VPS13C: variants seen among roughly 807,000 people sequenced by gnomAD.
The protein encoded by VPS13C is vacuolar protein sorting 13 homolog C.
Under a neutral mutation model 456.8 loss-of-function variants are expected in VPS13C, and 358 were observed. The observed-to-expected ratio is 0.78, with a 90% CI of 0.72 to 0.86. VPS13C has a LOEUF of 0.86. Among genes scored for constraint, VPS13C ranks in the 40% least tolerant of loss-of-function variants. The probability of loss-of-function intolerance (pLI) is 0.00; values close to 1 mark genes in which losing one functional copy is unlikely to be tolerated. For synonymous variants in VPS13C, 1,578 were observed against 1,486.7 expected (o/e 1.06, Z -1.41); for missense variants, 4,818 against 4,385.4 (o/e 1.10, Z -2.79).
chr15:61,996,590 T>C (rs538955190), intron 16 of VPS13C, among the ~76,000 whole-genome samples: 21 of 152,076 alleles, frequency 1.4e-4, no homozygotes, highest in South Asian at 2.1e-4. Context: ...ACTGAAACTA[T>C]AGTACATGAC....
rs66786972 is a variant in VPS13C at position 61,961,394 on chromosome 15, AACACACACAC to A, written c.3908+185_3908+194del. Among the ~76,000 whole-genome samples the A allele has an allele frequency of 0.28, 37,632 of 132,544 alleles. 5,996 individuals carry two copies. The highest frequency in any genetic ancestry group is 0.37 in the Non-Finnish European group (23,431 of 63,124). The allele number at this position is 132,544 out of a possible 152,430, so 87.0% of individuals were successfully genotyped here. On this transcript the variant is annotated intron_variant, in intron 35 of 84. Transcript: ENST00000644861. Reference sequence around the variant, plus strand: ...GTGACAGACCAAGACTCCAACTCAAAACACACACACACACACACACACACACACACACACA... The same window carrying A: ...GTGACAGACCAAGACTCCAACTCAAAACACACACACACACACACACACACA...
intron 16 of VPS13C, among the ~76,000 whole-genome samples, chr15:61,998,792 G>C (rs2046485555): frequency 6.6e-6 from 1 of 152,058 alleles, no homozygotes; most frequent in Non-Finnish European, 1.5e-5. Flanking sequence ...CTTATACAAG[G>C]ATTTTCTTCT....
chr15:61,920,243 A>C lies in VPS13C; in HGVS notation c.7301T>G (p.Ile2434Ser), dbSNP rs1357200558. Residue 2434 changes from isoleucine to serine, a missense_variant, in exon 57 of 85, where the codon ATT becomes AGT. By Grantham distance (142) the Ile-to-Ser change is moderately radical. Coordinates refer to ENST00000644861, the MANE Select transcript of VPS13C (RefSeq NM_020821.3). ...GAGATTACAATTGGGCTTCACCTTA[A>C]TGGGAACACCTACAGCATTTTTTAC... ...FTVKNAVGVP[I>S]KVKPNCNLRV... 1 of 1,613,628 alleles carries C rather than the reference A, an allele frequency of 6.2e-7. No homozygotes were observed. Among genetic ancestry groups the C allele is most frequent in the East Asian group, 2.2e-5 (1 of 44,850 alleles).
intron 4 of VPS13C, 78 bp downstream of exon 4, chr15:62,034,879 G>T (rs985406847): frequency 1.1e-6 from 1 of 936,364 alleles, no homozygotes; most frequent in African/African-American, 1.7e-5. Flanking sequence ...ATAAATAAAT[G>T]TATTAAAATA....
chr15:61,964,779 G>C lies in VPS13C; in HGVS notation c.3134C>G (p.Ser1045Cys), dbSNP rs767551122. The part of the protein sequence containing the change: ...SINYLTTIIP[S>C]DDQSISVAKE... ...AGCAACACTTATGCTTTGATCATCA[G>C]ATGGAATAATGGTTGTGAGGTAATT... Residue 1045 changes from serine (S) to cysteine (C), a missense_variant, in exon 31 of 85, where the codon TCT (serine) becomes TGT (cysteine). By Grantham distance (112) the Ser-to-Cys change is moderately radical. This residue lies in a region of VPS13C where 4,552 missense variants were observed against 4,130.6 expected (regional missense o/e 1.10). Transcript: ENST00000644861. The C allele has an allele frequency of 1.2e-6, 2 of 1,612,718 alleles. No homozygotes were observed. Among genetic ancestry groups the C allele is most frequent in the South Asian group, 1.1e-5 (1 of 90,916 alleles).
chr15:62,029,545 T>A (rs1485596451), intron 5 of VPS13C, among the ~76,000 whole-genome samples: 4 of 152,132 alleles, frequency 2.6e-5, no homozygotes, highest in African/African-American at 9.7e-5. Context: ...CCCTGATCTC[T>A]TTGGCCGACT....
chr15:61,897,337 C>G (rs1214317373), intron 66 of VPS13C, among the ~76,000 whole-genome samples: 2 of 151,996 alleles, frequency 1.3e-5, no homozygotes, highest in Non-Finnish European at 2.9e-5. Context: ...CAAAGGCAAA[C>G]AAGTTGAAAA....
intron 37 of VPS13C, among the ~76,000 whole-genome samples, chr15:61,958,028 A>T (rs2045066586): frequency 6.6e-6 from 1 of 152,066 alleles, no homozygotes; most frequent in Non-Finnish European, 1.5e-5. Flanking sequence ...AAGATTATAC[A>T]TTTATGTCTG....
At chr15:61,948,906 T>C (rs74485668) in intron 42 of VPS13C, among the ~76,000 whole-genome samples, 1 of 152,324 alleles carries the variant, frequency 6.6e-6, no homozygotes, top group East Asian at 1.9e-4. Context: ...GGATATGTCA[T>C]ACCTAATTTT....
At chr15:61,997,406 G>C (rs891975636) in intron 16 of VPS13C, among the ~76,000 whole-genome samples, 4 of 151,994 alleles carry the variant, frequency 2.6e-5, no homozygotes, top group Admixed American at 2.0e-4. Flanking sequence ...CAATCTCATG[G>C]CTTTAAAGAA....
At chr15:61,861,082 C>T (rs1316673769) in intron 82 of VPS13C, among the ~76,000 whole-genome samples, 1 of 151,228 alleles carries the variant, frequency 6.6e-6, no homozygotes, top group African/African-American at 2.4e-5. Context: ...TGGCTTCAGC[C>T]TCCCGAATAG....
chr15:61,921,395 TG>T (rs1352002908), intron 55 of VPS13C, among the ~76,000 whole-genome samples: 2 of 152,072 alleles, frequency 1.3e-5, no homozygotes, highest in African/African-American at 4.8e-5. Context: ...TCTAGGTTTC[TG>T]AGGTGTTCTC....
intron 1 of VPS13C, among the ~76,000 whole-genome samples, chr15:62,048,239 A>G (rs1022861147): frequency 1.6e-4 from 18 of 113,622 alleles, no homozygotes; most frequent in African/African-American, 5.1e-4. Flanking sequence ...ATATCTCCTA[A>G]TGCTATCCCT....
intron 49 of VPS13C, among the ~76,000 whole-genome samples, chr15:61,932,525 TAAA>T (rs531683245): frequency 1.4e-5 from 2 of 141,800 alleles, no homozygotes; most frequent in South Asian, 4.4e-4. Flanking sequence ...TGTCCAGATT[TAAA>T]AAAAAAAAAA....
At position 61,866,754 on chromosome 15, in the gene VPS13C, A is replaced by G. The variant is rs959377864; in HGVS notation, c.10863+1905T>C. 3.0e-6 allele frequency: 3 copies of G among 984,840 alleles called. No individual in the cohort carries two copies. In the African/African-American group the frequency reaches 5.2e-5, roughly 17 times the overall value. 61.0% of individuals were successfully genotyped at this position (984,840 alleles called of 1,614,324 possible). ...ATATCTAGCACACGCTGGTTTTTGGATGTCAGTCTTTCTTCTTTAAAGTGG... is the reference window on the plus strand; with the variant it reads ...ATATCTAGCACACGCTGGTTTTTGGGTGTCAGTCTTTCTTCTTTAAAGTGG... On this transcript the variant is annotated intron_variant, in intron 81 of 84. Transcript: ENST00000644861.
At chr15:61,883,649 C>T (rs1279804515) in intron 68 of VPS13C, among the ~76,000 whole-genome samples, 1 of 152,098 alleles carries the variant, frequency 6.6e-6, no homozygotes, top group African/African-American at 2.4e-5. Context: ...GATGCCTACT[C>T]AGGTCCAACA....
chr15:61,944,524 TAACGCACGAAC>T (rs1357099025), intron 45 of VPS13C, among the ~76,000 whole-genome samples: 6 of 152,094 alleles, frequency 3.9e-5, no homozygotes, highest in Admixed American at 1.3e-4. Context: ...CTAAGCAAAT[TAACGCACGAAC>T]AGAAACCAAA....
Position 61,854,125 on chromosome 15 carries a change from C to T in VPS13C, c.*332G>A, listed in dbSNP as rs1008295183. The T allele has an allele frequency of 1.1e-5, 3 of 268,606 alleles. No individual in the cohort carries two copies. Among genetic ancestry groups the T allele is most frequent in the African/African-American group, 2.2e-5 (1 of 46,204 alleles). 16.6% of individuals were successfully genotyped at this position (268,606 alleles called of 1,614,324 possible). A position where few individuals can be genotyped will look rare whatever the true frequency, so the allele number is the denominator to read the frequency against. ...CATTCTAAGCTCATTTCTTATTCTT[C>T]AGTAAGGCTTTAATTAAATATAAGC... is the stretch of plus-strand genomic sequence containing the variant. On this transcript the variant is annotated 3_prime_UTR_variant, in exon 85 of 85. Transcript: ENST00000644861.
rs1035369591 is a variant in VPS13C, at chr15:61,961,753, C to T, written c.3744G>A (p.Pro1248=). 38 of 1,613,836 alleles carry T rather than the reference C, an allele frequency of 2.4e-5. No individual in the cohort carries two copies. The highest frequency in any genetic ancestry group is 3.3e-5 in the South Asian group (3 of 91,066). Residue 1248 remains proline (P), a synonymous_variant, in exon 35 of 85, where the codon CCG becomes CCA. Transcript: ENST00000644861. ...TAGAAGACTGTGGGATGACTATAAC[C>T]GGTGCTTTCAAATCAATATTGATGG... ...RVSINIDLKA[P]VIVIPQSSIS... is the part of the protein sequence containing the mutation.
Sources: gnomAD v4.1 joint callset for allele counts (sites outside exome capture counted in the v4.1 genomes callset) on GRCh38, gnomAD v4.1.1 for gene constraint, gnomAD v4.1.1 regional missense constraint, MANE v1.5 for transcripts, NCBI Gene and HGNC (gene_info 2026-07-23, HGNC 2026-07-21) for gene names.